CTTN: variants seen among roughly 807,000 people sequenced by gnomAD.
CTTN encodes the protein src substrate cortactin.
CTTN carries 28 observed loss-of-function variants against 84.0 expected under a neutral mutation model. The observed-to-expected ratio is 0.33, with a 90% confidence interval of 0.25 to 0.46. The LOEUF (loss-of-function observed/expected upper bound fraction) is 0.46. Ranked by LOEUF, CTTN falls within the 20% of genes least tolerant of loss-of-function variation. The probability of loss-of-function intolerance (pLI) is 1.00; values close to 1 mark genes in which losing one functional copy is unlikely to be tolerated. For synonymous variants in CTTN, 301 were observed against 288.8 expected (o/e 1.04, Z -0.43); for missense variants, 641 against 723.8 (o/e 0.89, Z 1.31).
At chr11:70,405,088 C>G (rs768783890) in intron 1 of CTTN, among the ~76,000 whole-genome samples, 177 bp from the exon 2 acceptor site, 1 of 152,188 alleles carries the variant, frequency 6.6e-6, no homozygotes, top group Non-Finnish European at 1.5e-5. Context: ...CTCTGTTGAA[C>G]TTTTTTATTA....
chr11:70,431,268 C>T lies in CTTN; in HGVS notation c.1254C>T (p.Ser418=), dbSNP rs753010990. Residue 418 remains serine, a synonymous_variant, in exon 15 of 18, where the codon AGC becomes AGT. Coordinates refer to ENST00000301843, the MANE Select transcript of CTTN (RefSeq NM_005231.4). ...CAACCGAGGAGAGGCTGCCCTCGAG[C>T]CCCGTCTATGAGGTTGGTGTCTTTG... ...PQPTEERLPS[S]PVYEDAASFK... The T allele has an allele frequency of 1.2e-6, 2 of 1,614,036 alleles. No individual in the cohort carries two copies. Among genetic ancestry groups the T allele is most frequent in the Non-Finnish European group, 1.7e-6 (2 of 1,180,022 alleles).
In CTTN at chr11:70,435,522, G is replaced by T. The variant is rs1318619040; in HGVS notation, c.*360G>T. On this transcript the variant is annotated 3_prime_UTR_variant, in exon 18 of 18. Transcript: ENST00000301843. ...GTTGCCCTCGTGCCCATCAAGTGCA[G>T]TCGGGACCTCCCAGGACAAGCACGA... 6.4e-7 allele frequency: 1 copy of T among 1,562,174 alleles called. No individual in the cohort carries two copies. Among genetic ancestry groups the T allele is most frequent in the East Asian group, 2.3e-5 (1 of 43,020 alleles).
At position 70,435,602 on chromosome 11, in the gene CTTN, G is replaced by T. The variant is rs772381317; in HGVS notation, c.*440G>T. 7 of 1,582,878 alleles carry T rather than the reference G, an allele frequency of 4.4e-6. No homozygotes were observed. In the East Asian group the frequency reaches 1.4e-4, roughly 31 times the overall value. ...CAGGAAGGACTGTCCCAGACGAGGG[G>T]CTTCCTCTAGAGTCTCACTGCTGGG... On this transcript the variant is annotated 3_prime_UTR_variant, in exon 18 of 18. Transcript: ENST00000301843.
chr11:70,407,364 G>A lies in CTTN; in HGVS notation c.67G>A (p.Glu23Lys). The part of the protein sequence containing the change: ...AQDDAGADDW[E>K]TDPDFVNDVS... Reference sequence around the variant, plus strand: ...GGATGACGCGGGGGCCGATGACTGGGAGACCGACCCTGATTTTGTGGTAGG... The same window carrying A: ...GGATGACGCGGGGGCCGATGACTGGAAGACCGACCCTGATTTTGTGGTAGG... Residue 23 changes from glutamate (E) to lysine (K), a missense_variant, in exon 3 of 18, where the codon GAG becomes AAG. Glu to Lys is a moderately conservative substitution (Grantham distance 56). Transcript: ENST00000301843. The A allele has an allele frequency of 6.3e-7, 1 of 1,584,828 alleles. No individual in the cohort carries two copies. Among genetic ancestry groups the A allele is most frequent in the Non-Finnish European group, 8.6e-7 (1 of 1,165,256 alleles).
At chr11:70,420,315 G>A (rs758790723) in intron 9 of CTTN, 85 bp from the exon 10 acceptor site, 82 of 873,660 alleles carry the variant, frequency 9.4e-5, no homozygotes, top group Non-Finnish European at 1.4e-4. Flanking sequence ...AATCATATGC[G>A]TTTAACTGTA....
Position 70,435,505 on chromosome 11 carries a change from C to A in CTTN, c.*343C>A, listed in dbSNP as rs1171047082. 1.9e-6 allele frequency: 3 copies of A among 1,558,764 alleles called. No individual in the cohort carries two copies. The African/African-American group carries it at 4.1e-5, about 21-fold the overall frequency. ...CATTCTCTTGTGTTCGTGTTGCCCTCGTGCCCATCAAGTGCAGTCGGGACC... is the reference window on the plus strand; with the variant it reads ...CATTCTCTTGTGTTCGTGTTGCCCTAGTGCCCATCAAGTGCAGTCGGGACC... On this transcript the variant is annotated 3_prime_UTR_variant, in exon 18 of 18. Transcript: ENST00000301843.
At chr11:70,434,313 G>T (rs1423143305) in intron 17 of CTTN, among the ~76,000 whole-genome samples, 1 of 152,230 alleles carries the variant, frequency 6.6e-6, no homozygotes. Context: ...GCATCCACTT[G>T]TCCCTCTGTC....
In CTTN at chr11:70,434,894, G is replaced by A. The variant is rs1006080286; in HGVS notation, c.1517-132G>A. 19 of 928,728 alleles carry A rather than the reference G, an allele frequency of 2.0e-5. 1 individual carries two copies. The highest frequency in any genetic ancestry group is 2.8e-5 in the Non-Finnish European group (16 of 580,530). The allele number at this position is 928,728 out of a possible 1,614,324, so 57.5% of individuals were successfully genotyped here. A position where few individuals can be genotyped will look rare whatever the true frequency, so the allele number is the denominator to read the frequency against. ...CATGGGAGAGGCAGCAGGAGCCTCC[G>A]CGGTGGTCCGCATCTCTGCAGGGGG... On this transcript the variant is annotated intron_variant, in intron 17 of 17. Coordinates refer to ENST00000301843, the MANE Select transcript of CTTN (RefSeq NM_005231.4).
chr11:70,402,723 C>G lies in CTTN; in HGVS notation c.-97-2542C>G, dbSNP rs373694366. Reference sequence around the variant, plus strand: ...GTTAGGTAGACCACATGTTATGTATCTATCAGTTGATGGACATTTGGAGTG... The same window carrying G: ...GTTAGGTAGACCACATGTTATGTATGTATCAGTTGATGGACATTTGGAGTG... On this transcript the variant is annotated intron_variant, in intron 1 of 17. Transcript: ENST00000301843. 1.2e-4 allele frequency among the ~76,000 whole-genome samples: 19 copies of G among 152,342 alleles called. No homozygotes were observed. In the East Asian group the frequency reaches 2.1e-3, roughly 17 times the overall value.
At chr11:70,402,240 C>T (rs563922274) in intron 1 of CTTN, among the ~76,000 whole-genome samples, 1 of 152,374 alleles carries the variant, frequency 6.6e-6, no homozygotes, top group South Asian at 2.1e-4. Flanking sequence ...TTGATTTGTA[C>T]ACTGACGTTT....
At chr11:70,427,856 C>T (rs1366486343) in intron 13 of CTTN, among the ~76,000 whole-genome samples, 1 of 152,158 alleles carries the variant, frequency 6.6e-6, no homozygotes, top group Non-Finnish European at 1.5e-5. Flanking sequence ...GGCAGCCTCA[C>T]ATTTTTCAAA....
intron 5 of CTTN, among the ~76,000 whole-genome samples, chr11:70,411,599 G>T (rs1050935946): frequency 6.6e-6 from 1 of 152,246 alleles, no homozygotes; most frequent in African/African-American, 2.4e-5. Context: ...CTGTGGGTTG[G>T]GAAAATTACA....
intron 13 of CTTN, 114 bp downstream of exon 13, chr11:70,425,515 TTGC>T (rs2058291209): frequency 1.4e-6 from 1 of 739,174 alleles, no homozygotes; most frequent in Non-Finnish European, 2.3e-6. Flanking sequence ...AGCGTGGTTG[TTGC>T]TGCGTATTTT....
chr11:70,430,172 G>A (rs1159372860), intron 14 of CTTN, among the ~76,000 whole-genome samples: 2 of 152,202 alleles, frequency 1.3e-5, no homozygotes, highest in Non-Finnish European at 2.9e-5. Context: ...GAGCAAGGCC[G>A]CCTGCAGAGG....
intron 13 of CTTN, among the ~76,000 whole-genome samples, chr11:70,426,651 C>T (rs983480402): frequency 6.6e-5 from 10 of 150,834 alleles, no homozygotes; most frequent in African/African-American, 2.4e-4. Flanking sequence ...GGCGCGGACT[C>T]GGCTCACTGC....
chr11:70,426,692 A>G (rs1380050140), intron 13 of CTTN, among the ~76,000 whole-genome samples: 2 of 151,196 alleles, frequency 1.3e-5, no homozygotes, highest in Admixed American at 1.3e-4. Flanking sequence ...GGTTCACGGC[A>G]TTCTCCTGCC....
chr11:70,409,586 C>T (rs1226325785), intron 4 of CTTN, among the ~76,000 whole-genome samples: 2 of 152,196 alleles, frequency 1.3e-5, no homozygotes, highest in African/African-American at 4.8e-5. Flanking sequence ...ATCCCAGTGT[C>T]TGCCTTCAGA....
chr11:70,421,370 C>T, intron 10 of CTTN, 100 bp from the exon 11 acceptor site: 2 of 875,646 alleles, frequency 2.3e-6, no homozygotes, highest in Non-Finnish European at 3.8e-6. Context: ...CCCTTGCTTT[C>T]TGGAAACTGT....
intron 4 of CTTN, chr11:70,408,102 ACTAT>A (rs1409560523): frequency 6.6e-6 from 1 of 152,450 alleles, no homozygotes; most frequent in African/African-American, 2.4e-5. Flanking sequence ...CTCACTTGGC[ACTAT>A]CTAAAATGCC....
Sources: gnomAD v4.1 joint callset for allele counts (sites outside exome capture counted in the v4.1 genomes callset) on GRCh38, gnomAD v4.1.1 for gene constraint, MANE v1.5 for transcripts, NCBI Gene and HGNC (gene_info 2026-07-23, HGNC 2026-07-21) for gene names.